PRKG1: variants seen among roughly 807,000 people sequenced by gnomAD.
The protein encoded by PRKG1 is protein kinase cGMP-dependent 1, also known as cGMP-dependent protein kinase 1.
Under a neutral mutation model 88.1 loss-of-function variants are expected in PRKG1, and 35 were observed. That is an observed-to-expected ratio of 0.40 (90% CI 0.30 to 0.53). The LOEUF is 0.53. Among genes scored for constraint, PRKG1 ranks in the 20% least tolerant of loss-of-function variants. The probability of loss-of-function intolerance (pLI) is 0.59; values close to 1 mark genes in which losing one functional copy is unlikely to be tolerated. For missense variants in PRKG1, 540 were observed against 839.8 expected, an observed-to-expected ratio of 0.64 and a Z score of 4.41; for synonymous variants, 303 against 292.5, an observed-to-expected ratio of 1.04 and a Z score of -0.37.
At chr10:52,119,267 A>G (rs1484600194) in intron 7 of PRKG1, among the ~76,000 whole-genome samples, 2 of 152,160 alleles carry the variant, frequency 1.3e-5, no homozygotes, top group East Asian at 3.8e-4. Context: ...ATAAAATCCT[A>G]ACAAACCACA....
intron 9 of PRKG1, chr10:52,231,170 G>A (rs1367635625): frequency 6.6e-6 from 1 of 152,264 alleles, no homozygotes; most frequent in Non-Finnish European, 1.5e-5. Flanking sequence ...GGCTGAGGCA[G>A]GAAGATCACT....
chr10:51,378,362 CAG>C (rs1490347873), intron 2 of PRKG1, among the ~76,000 whole-genome samples: 7 of 152,218 alleles, frequency 4.6e-5, no homozygotes, highest in African/African-American at 1.4e-4. Context: ...TTGGAAATGG[CAG>C]AGAGATTGAT....
chr10:52,025,490 A>G (rs1845311865), intron 5 of PRKG1, among the ~76,000 whole-genome samples: 2 of 151,958 alleles, frequency 1.3e-5, no homozygotes, highest in Admixed American at 1.3e-4. Context: ...ATCCATCTTG[A>G]ATTAATTTTT....
At position 51,804,484 on chromosome 10, in the gene PRKG1, A is replaced by G. The variant is rs540369857; in HGVS notation, c.593-101A>G. ...TGTTTGTAAAAAGTCAATCATTTTCATGATTCTCATGAATAGCTCATCTCC... is the reference window on the plus strand; with the variant it reads ...TGTTTGTAAAAAGTCAATCATTTTCGTGATTCTCATGAATAGCTCATCTCC... On this transcript the variant is annotated intron_variant, in intron 3 of 17. Coordinates refer to ENST00000373980, the MANE Select transcript of PRKG1 (RefSeq NM_006258.4). The G allele has an allele frequency of 1.5e-4, 112 of 758,732 alleles. No individual in the cohort carries two copies. In the African/African-American group the frequency reaches 1.9e-3, roughly 13 times the overall value. 47.0% of individuals were successfully genotyped at this position (758,732 alleles called of 1,614,324 possible).
rs772160454 is a variant in PRKG1, at chr10:52,251,537, G to A, written c.1077-33G>A. 5 of 1,577,354 alleles carry A rather than the reference G, an allele frequency of 3.2e-6. No individual in the cohort carries two copies. In the Admixed American group the frequency reaches 5.0e-5, roughly 16 times the overall value. ...GTGGTACTCGTGTTTGCACCTCTAA[G>A]AAATTTCCATTTTTTCACATCAAAA... On this transcript the variant is annotated intron_variant, in intron 9 of 17. Coordinates refer to ENST00000373980, the MANE Select transcript of PRKG1 (RefSeq NM_006258.4).
rs1382338922 is a variant in PRKG1, at chr10:51,506,104, G to A, written c.592+38268G>A. 2.6e-5 allele frequency among the ~76,000 whole-genome samples: 4 copies of A among 152,256 alleles called. No individual in the cohort carries two copies. The East Asian group carries it at 7.7e-4, about 29-fold the overall frequency. On this transcript the variant is annotated intron_variant, in intron 3 of 17. Coordinates refer to ENST00000373980, the MANE Select transcript of PRKG1 (RefSeq NM_006258.4). ...TGCTGGGAAAACTGGCTAGCCATAT[G>A]TAGAAAGCTGAAACTGGATCCCTTC... is the stretch of plus-strand genomic sequence containing the variant.
chr10:51,638,277 T>C (rs1218071807), intron 3 of PRKG1, among the ~76,000 whole-genome samples: 1 of 152,154 alleles, frequency 6.6e-6, no homozygotes, highest in Non-Finnish European at 1.5e-5. Flanking sequence ...CATCTTAAAA[T>C]AGTAATGGAA....
intron 3 of PRKG1, among the ~76,000 whole-genome samples, chr10:51,682,008 A>G (rs2132371838): frequency 1.3e-5 from 2 of 152,320 alleles, no homozygotes; most frequent in South Asian, 4.1e-4. Flanking sequence ...TTTGTCTTAG[A>G]TAAAGAAAGC....
intron 7 of PRKG1, among the ~76,000 whole-genome samples, chr10:52,086,223 A>T (rs74664873): frequency 0.13 from 19,848 of 151,916 alleles, 1,427 homozygotes; most frequent in South Asian, 0.23. Flanking sequence ...TCCACCTCTT[A>T]TAGGAAACCA....
chr10:52,116,566 G>T (rs567771851), intron 7 of PRKG1, among the ~76,000 whole-genome samples: 35 of 152,026 alleles, frequency 2.3e-4, no homozygotes, highest in Non-Finnish European at 4.4e-4. Flanking sequence ...ACAACAGAGG[G>T]TCTTACTCAC....
chr10:52,209,217 G>A (rs551292635), intron 9 of PRKG1, among the ~76,000 whole-genome samples: 8 of 152,140 alleles, frequency 5.3e-5, no homozygotes, highest in Non-Finnish European at 1.2e-4. Flanking sequence ...TAGCTCTGTT[G>A]TTGTAGTACA....
intron 3 of PRKG1, among the ~76,000 whole-genome samples, chr10:51,797,991 A>C (rs994160366): frequency 6.6e-6 from 1 of 152,056 alleles, no homozygotes; most frequent in African/African-American, 2.4e-5. Flanking sequence ...TTCTTTTCAC[A>C]AGCCTGAATA....
At chr10:52,190,563 C>T (rs185978797) in intron 9 of PRKG1, among the ~76,000 whole-genome samples, 34 of 152,012 alleles carry the variant, frequency 2.2e-4, no homozygotes, top group Middle Eastern at 3.4e-3. Flanking sequence ...CTTATTTTAC[C>T]TGATTTTACA....
At chr10:51,290,401 A>T (rs1044133057) in intron 2 of PRKG1, among the ~76,000 whole-genome samples, 4 of 152,160 alleles carry the variant, frequency 2.6e-5, no homozygotes, top group Admixed American at 6.6e-5. Flanking sequence ...AGGCAGGAGG[A>T]TTACTTGAGC....
At chr10:51,036,948 C>A (rs948832635) in intron 1 of PRKG1, among the ~76,000 whole-genome samples, 2 of 152,116 alleles carry the variant, frequency 1.3e-5, no homozygotes, top group African/African-American at 2.4e-5. Context: ...AGGATGAATT[C>A]TCTGGTTAAA....
intron 2 of PRKG1, among the ~76,000 whole-genome samples, chr10:51,165,903 C>T (rs1247575636): frequency 6.6e-6 from 1 of 152,040 alleles, no homozygotes; most frequent in Non-Finnish European, 1.5e-5. Context: ...AGGGTGTGAA[C>T]ATTTGTTTCC....
chr10:51,909,490 T>C (rs900897185), intron 5 of PRKG1: 1 of 151,982 alleles, frequency 6.6e-6, no homozygotes, highest in Admixed American at 6.5e-5. Flanking sequence ...CATTTACATA[T>C]ACGAAGACAT....
At chr10:51,960,757 C>T (rs1489730866) in intron 5 of PRKG1, among the ~76,000 whole-genome samples, 1 of 152,106 alleles carries the variant, frequency 6.6e-6, no homozygotes, top group Admixed American at 6.6e-5. Flanking sequence ...CAGAGATGCT[C>T]AAGCTTGTCA....
At chr10:51,557,076 A>G (rs1410001319) in intron 3 of PRKG1, among the ~76,000 whole-genome samples, 2 of 151,916 alleles carry the variant, frequency 1.3e-5, no homozygotes, top group African/African-American at 2.4e-5. Context: ...TCCCACACAC[A>G]TATAAATGCG....
Sources: gnomAD v4.1 joint callset for allele counts (sites outside exome capture counted in the v4.1 genomes callset) on GRCh38, gnomAD v4.1.1 for gene constraint, MANE v1.5 for transcripts, NCBI Gene and HGNC (gene_info 2026-07-23, HGNC 2026-07-21) for gene names.